Variants in ST18 observed in about 807,000 individuals in gnomAD.
The protein encoded by ST18 is ST18 C2H2C-type zinc finger transcription factor.
In ST18, 50 loss-of-function variants were observed where a neutral mutation model predicts 110.0. The ratio of observed to expected loss-of-function variants is 0.45; its 90% CI spans 0.36 to 0.58. ST18 has a LOEUF of 0.58. Among genes scored for constraint, ST18 ranks in the 20% least tolerant of loss-of-function variants. The pLI is 0.00. For missense variants in ST18, 1,306 were observed against 1,280.1 expected, an observed-to-expected ratio of 1.02 and a Z score of -0.31; for synonymous variants, 461 against 452.4, an observed-to-expected ratio of 1.02 and a Z score of -0.24.
intron 2 of ST18, among the ~76,000 whole-genome samples, chr8:52,390,681 G>A (rs181106990): frequency 6.6e-6 from 1 of 152,284 alleles, no homozygotes; most frequent in East Asian, 1.9e-4. Context: ...GCTAGACTCC[G>A]AGGACAGCAG....
chr8:52,368,658 G>A (rs963550870), intron 2 of ST18, among the ~76,000 whole-genome samples: 5 of 151,940 alleles, frequency 3.3e-5, no homozygotes, highest in African/African-American at 7.3e-5. Context: ...CGCATGTGGC[G>A]GCCACATCAT....
intron 2 of ST18, among the ~76,000 whole-genome samples, chr8:52,276,775 T>G (rs1299577687): frequency 1.3e-5 from 2 of 151,942 alleles, no homozygotes; most frequent in African/African-American, 4.8e-5. Context: ...ATCTTTTTTT[T>G]TTTTTTTTGA....
chr8:52,328,882 A>G (rs1807771647), intron 2 of ST18, among the ~76,000 whole-genome samples: 1 of 152,144 alleles, frequency 6.6e-6, no homozygotes, highest in South Asian at 2.1e-4. Context: ...GGAGGGATGT[A>G]CCACATCTAT....
intron 18 of ST18, 43 bp downstream of exon 18, chr8:52,137,378 A>G (rs372826642): frequency 1.2e-6 from 2 of 1,604,880 alleles, no homozygotes; most frequent in African/African-American, 2.7e-5. Flanking sequence ...TTAAAATAGA[A>G]CAAGACCATG....
chr8:52,358,147 T>C (rs932666087), intron 2 of ST18, among the ~76,000 whole-genome samples: 3 of 151,822 alleles, frequency 2.0e-5, no homozygotes, highest in Non-Finnish European at 4.4e-5. Context: ...AGAAAATACT[T>C]TGAGATAAGT....
At chr8:52,383,009 G>A (rs1363085962) in intron 2 of ST18, among the ~76,000 whole-genome samples, 1 of 152,016 alleles carries the variant, frequency 6.6e-6, no homozygotes, top group Non-Finnish European at 1.5e-5. Context: ...TAAAACCTGG[G>A]TTCTCCTTCT....
chr8:52,142,754 G>T lies in ST18; in HGVS notation c.2168+176C>A, dbSNP rs566542974. Among the ~76,000 whole-genome samples, 3 of 152,264 alleles carry T rather than the reference G, an allele frequency of 2.0e-5. No homozygotes were observed. The South Asian group carries it at 6.2e-4, about 32-fold the overall frequency. On this transcript the variant is annotated intron_variant, in intron 17 of 25. Coordinates refer to ENST00000689386, the MANE Select transcript of ST18 (RefSeq NM_001352837.2). ...AATCAACAGGCTTTTAATTCTGTTA[G>T]CATAAGATCATGTACACCCTCTTAG...
intron 2 of ST18, among the ~76,000 whole-genome samples, chr8:52,278,217 C>T (rs1208551070): frequency 6.6e-6 from 1 of 152,012 alleles, no homozygotes. Flanking sequence ...AATGATTGTC[C>T]CCTGACATCA....
chr8:52,376,571 T>A (rs1832466796), intron 2 of ST18, among the ~76,000 whole-genome samples: 1 of 151,942 alleles, frequency 6.6e-6, no homozygotes, highest in African/African-American at 2.4e-5. Context: ...CTCATCATCT[T>A]CTAAAATACT....
chr8:52,171,252 A>C (rs977260565), intron 10 of ST18, among the ~76,000 whole-genome samples: 1 of 152,198 alleles, frequency 6.6e-6, no homozygotes, highest in Non-Finnish European at 1.5e-5. Context: ...ACAATTCTAA[A>C]GCCTCCTCAA....
intron 22 of ST18, 31 bp downstream of exon 22, chr8:52,131,927 C>T: frequency 1.2e-6 from 2 of 1,609,986 alleles, no homozygotes; most frequent in South Asian, 1.1e-5. Context: ...GATCACAACA[C>T]TACAACAAAA....
chr8:52,296,418 G>C (rs1000229645), intron 2 of ST18: 1 of 152,204 alleles, frequency 6.6e-6, no homozygotes, highest in Non-Finnish European at 1.5e-5. Flanking sequence ...GAACTCCCCT[G>C]TCCTCTGCAG....
chr8:52,375,879 TAA>T (rs1832164617), intron 2 of ST18, among the ~76,000 whole-genome samples: 1 of 152,092 alleles, frequency 6.6e-6, no homozygotes, highest in African/African-American at 2.4e-5. Flanking sequence ...TTTTCCATAT[TAA>T]GAGAGGCCAC....
chr8:52,315,578 TCAGCC>T (rs1239796149), intron 2 of ST18, among the ~76,000 whole-genome samples: 4 of 152,220 alleles, frequency 2.6e-5, no homozygotes, highest in Non-Finnish European at 5.9e-5. Flanking sequence ...TATTGTATTT[TCAGCC>T]ATCGTCCACA....
intron 2 of ST18, among the ~76,000 whole-genome samples, chr8:52,277,399 C>A (rs895790460): frequency 6.6e-6 from 1 of 152,182 alleles, no homozygotes; most frequent in East Asian, 1.9e-4. Context: ...TATCTTAAAG[C>A]ATGATGATAC....
intron 2 of ST18, among the ~76,000 whole-genome samples, chr8:52,384,983 C>T (rs1836010756): frequency 6.6e-6 from 1 of 152,158 alleles, no homozygotes; most frequent in African/African-American, 2.4e-5. Flanking sequence ...TCAAGAGAAA[C>T]ATACTAATGT....
chr8:52,266,019 A>G (rs1038918967), intron 2 of ST18, among the ~76,000 whole-genome samples: 2 of 152,190 alleles, frequency 1.3e-5, no homozygotes, highest in African/African-American at 4.8e-5. Context: ...TTAAGAAGGA[A>G]CACGTGGTTA....
At chr8:52,318,593 A>G (rs1173840027) in intron 2 of ST18, among the ~76,000 whole-genome samples, 1 of 152,208 alleles carries the variant, frequency 6.6e-6, no homozygotes, top group Non-Finnish European at 1.5e-5. Flanking sequence ...AGACACATGC[A>G]CACGTATGTT....
At chr8:52,324,633 C>T (rs921891933) in intron 2 of ST18, among the ~76,000 whole-genome samples, 3 of 152,172 alleles carry the variant, frequency 2.0e-5, no homozygotes, top group African/African-American at 7.2e-5. Flanking sequence ...GGGTAGCATA[C>T]TATGTGCTTT....
Sources: allele counts gnomAD v4.1 joint callset (sites outside exome capture counted in the v4.1 genomes callset), GRCh38; gene constraint gnomAD v4.1.1; transcripts MANE v1.5; gene names NCBI Gene and HGNC (gene_info 2026-07-23, HGNC 2026-07-21).